The following MYH14 variants were observed in gnomAD, a reference collection of about 807,000 sequenced individuals.
MYH14 encodes the protein myosin-14.
MYH14 carries 123 observed loss-of-function variants against 255.5 expected under a neutral mutation model. The observed-to-expected ratio is 0.48, with a 90% confidence interval of 0.42 to 0.56. MYH14 has a LOEUF of 0.56. Ranked by LOEUF, MYH14 falls within the 20% of genes least tolerant of loss-of-function variation. The pLI is 0.00. For missense variants in MYH14, 2,423 were observed against 2,802.3 expected (o/e 0.86, Z 3.06); for synonymous variants, 1,095 against 1,161.2 (o/e 0.94, Z 1.16).
chr19:50,239,796 G>A (rs978453639), intron 10 of MYH14, among the ~76,000 whole-genome samples: 7 of 151,970 alleles, frequency 4.6e-5, no homozygotes, highest in Non-Finnish European at 7.4e-5. Flanking sequence ...TGATCTGCCC[G>A]CCTCAGCCTC....
intron 24 of MYH14, among the ~76,000 whole-genome samples, chr19:50,269,559 G>A (rs2035218354): frequency 6.6e-6 from 1 of 152,138 alleles, no homozygotes; most frequent in Non-Finnish European, 1.5e-5. Context: ...GGATGGCTGA[G>A]CACACAGCAC....
At chr19:50,263,483 C>T (rs550402022) in intron 22 of MYH14, 63 bp downstream of exon 22, 2 of 1,223,894 alleles carry the variant, frequency 1.6e-6, no homozygotes, top group East Asian at 5.3e-5. Context: ...GCTTGGTCTG[C>T]TTGACAAGTG....
intron 13 of MYH14, 46 bp from the exon 14 acceptor site, chr19:50,249,604 C>G: frequency 7.4e-6 from 12 of 1,612,456 alleles, no homozygotes; most frequent in Non-Finnish European, 1.0e-5. Context: ...CTCTGGGTCT[C>G]TGTCCCTCTC....
chr19:50,266,657 C>A lies in MYH14; in HGVS notation c.2695-220C>A, dbSNP rs1448003011. On this transcript the variant is annotated intron_variant, in intron 22 of 42. Transcript: ENST00000642316. The surrounding 1 kb of genome is among the most constrained non-coding windows in gnomAD (Gnocchi z 4.1). ...CAGTGTCTCTTGGATGTGGAAGGAT[C>A]CTTTAGCCAGAGAGATTAGATAGAT... is the stretch of plus-strand genomic sequence containing the variant. 6.6e-6 allele frequency among the ~76,000 whole-genome samples: 1 copy of A among 152,206 alleles called. No homozygotes were observed. The highest frequency in any genetic ancestry group is 1.5e-5 in the Non-Finnish European group (1 of 68,030).
intron 19 of MYH14, 99 bp from the exon 20 acceptor site, chr19:50,260,547 T>G (rs535444711): frequency 1.3e-6 from 1 of 759,104 alleles, no homozygotes; most frequent in East Asian, 2.7e-5. Context: ...CTGTTGTTCC[T>G]GCTGTGTGTC....
chr19:50,245,088 C>T (rs958559426), intron 11 of MYH14, among the ~76,000 whole-genome samples: 2 of 151,922 alleles, frequency 1.3e-5, no homozygotes, highest in African/African-American at 2.4e-5. Flanking sequence ...TAAAATAATA[C>T]AAGCTGGAAG....
rs1256975396 is a variant in MYH14, at chr19:50,252,363, A to G, written c.1831-276A>G. Among the ~76,000 whole-genome samples, 1 of 152,168 alleles carries G rather than the reference A, an allele frequency of 6.6e-6. No homozygotes were observed. Among genetic ancestry groups the G allele is most frequent in the Admixed American group, 6.5e-5 (1 of 15,272 alleles). On this transcript the variant is annotated intron_variant, in intron 15 of 42. Coordinates refer to ENST00000642316, the MANE Select transcript of MYH14 (RefSeq NM_001145809.2). This position sits in a 1 kb window ranked among gnomAD's most constrained non-coding sequence, Gnocchi z 4.2. ...GAGTAAGCTCGCATGTTTGAGGAACAGTGCGGAGGCCAGGGTGGCTGGAGC... is the reference window on the plus strand; with the variant it reads ...GAGTAAGCTCGCATGTTTGAGGAACGGTGCGGAGGCCAGGGTGGCTGGAGC...
At chr19:50,238,606 C>G (rs537741371) in intron 10 of MYH14, among the ~76,000 whole-genome samples, 58 of 152,202 alleles carry the variant, frequency 3.8e-4, no homozygotes, top group African/African-American at 1.3e-3. Flanking sequence ...CGCTCGCCAC[C>G]ACACCCAGCT....
rs187849663 is a variant in MYH14, at chr19:50,305,322, G to A, written c.5679-1727G>A. 2.3e-3 allele frequency among the ~76,000 whole-genome samples: 350 copies of A among 152,254 alleles called. 3 individuals are homozygous for A. Among genetic ancestry groups the A allele is most frequent in the African/African-American group, 8.2e-3 (340 of 41,532 alleles). Reference sequence around the variant, plus strand: ...GAAGAAGAGAAAGCAGGGGGCAGAAGGAATGAAGCGGAGGCTATGGGTGGT... The same window carrying A: ...GAAGAAGAGAAAGCAGGGGGCAGAAAGAATGAAGCGGAGGCTATGGGTGGT... On this transcript the variant is annotated intron_variant, in intron 40 of 42. Transcript: ENST00000642316.
chr19:50,300,302 G>A lies in MYH14; in HGVS notation c.5470-1359G>A, dbSNP rs75651826. 6.1e-3 allele frequency among the ~76,000 whole-genome samples: 922 copies of A among 152,234 alleles called. 14 individuals are homozygous for A. Among genetic ancestry groups the A allele is most frequent in the African/African-American group, 0.021 (884 of 41,534 alleles). On this transcript the variant is annotated intron_variant, in intron 39 of 42. Coordinates refer to ENST00000642316, the MANE Select transcript of MYH14 (RefSeq NM_001145809.2). ...AGCAGCAGGGTCATGGGGCTGAAAC[G>A]GTTCTCATCTCCAGCTGCTGGAATA...
intron 1 of MYH14, among the ~76,000 whole-genome samples, chr19:50,209,485 C>T (rs2032026564): frequency 6.6e-6 from 1 of 151,576 alleles, no homozygotes; most frequent in South Asian, 2.1e-4. Flanking sequence ...CTAATTTCTA[C>T]AAAAATTGAA....
In MYH14 at chr19:50,257,350, C is replaced by G. The variant is rs2123333694; in HGVS notation, c.2096C>G (p.Pro699Arg). Residue 699 changes from proline to arginine, a missense_variant, in exon 18 of 43, where the codon CCA becomes CGA. By Grantham distance (103) the Pro-to-Arg change is moderately radical. Transcript: ENST00000642316. ...GTGAGCAGCCTGGGCGACGGCCCAC[C>G]AGGTGGCCGCCCCCGTCGGGGTATG... Reference protein sequence around the residue: ...EQVSSLGDGPPGGRPRRGMFR... With the variant: ...EQVSSLGDGPRGGRPRRGMFR... The G allele has an allele frequency of 1.2e-6, 2 of 1,609,380 alleles. No individual in the cohort carries two copies. The highest frequency in any genetic ancestry group is 1.3e-5 in the African/African-American group (1 of 74,996).
intron 39 of MYH14, among the ~76,000 whole-genome samples, chr19:50,297,491 C>CTTTTTTTTTTTTTTTTTTTTTTTTT (rs869049808): frequency 1.3e-5 from 1 of 74,324 alleles, no homozygotes; most frequent in Non-Finnish European, 2.4e-5. Context: ...CTCATCTCCT[C>CTTTTTTTTTTTTTTTTTTTTTTTTT]TTTTTTTTTT....
Position 50,276,974 on chromosome 19 carries a change from A to G in MYH14, c.3825+73A>G. 5 of 1,236,542 alleles carry G rather than the reference A, an allele frequency of 4.0e-6. No individual in the cohort carries two copies. The highest frequency in any genetic ancestry group is 5.7e-6 in the Non-Finnish European group (5 of 880,766). 76.6% of individuals were successfully genotyped at this position (1,236,542 alleles called of 1,614,324 possible). A position where few individuals can be genotyped will look rare whatever the true frequency, so the allele number is the denominator to read the frequency against. ...GGCAGGACGCGGGGTTGGAGGAGGT[A>G]CCGCTGGCTGGTTCTAGGCTAGCTC... On this transcript the variant is annotated intron_variant, in intron 29 of 42. Coordinates refer to ENST00000642316, the MANE Select transcript of MYH14 (RefSeq NM_001145809.2). The surrounding 1 kb of genome is among the most constrained non-coding windows in gnomAD (Gnocchi z 4.3).
At chr19:50,211,317 G>A (rs917992521) in intron 2 of MYH14, among the ~76,000 whole-genome samples, 4 of 152,004 alleles carry the variant, frequency 2.6e-5, no homozygotes, top group African/African-American at 9.7e-5. Context: ...CTGGGTGACA[G>A]CACAAGACCC....
chr19:50,234,848 C>T (rs1194325373), intron 10 of MYH14, among the ~76,000 whole-genome samples: 2 of 152,198 alleles, frequency 1.3e-5, no homozygotes, highest in African/African-American at 4.8e-5. Flanking sequence ...GTAACATAAA[C>T]TGAATGTGGC....
intron 24 of MYH14, among the ~76,000 whole-genome samples, chr19:50,270,954 A>C (rs1423944158): frequency 2.0e-5 from 3 of 152,172 alleles, no homozygotes; most frequent in Admixed American, 1.3e-4. Context: ...TTGGCCTCCC[A>C]AAGTCCTGGG....
At chr19:50,222,368 T>C (rs999846278) in intron 3 of MYH14, among the ~76,000 whole-genome samples, 2 of 149,854 alleles carry the variant, frequency 1.3e-5, no homozygotes, top group Non-Finnish European at 3.0e-5. Flanking sequence ...TAGTCCCAGG[T>C]ACTTGGGAGG....
In MYH14 at chr19:50,276,206, G is replaced by A; in HGVS notation, c.3680+3G>A. On this transcript the variant is annotated splice_donor_region_variant and intron_variant, in intron 28 of 42. Transcript: ENST00000642316. The surrounding 1 kb of genome is among the most constrained non-coding windows in gnomAD (Gnocchi z 4.3). ...ACCAACGCACAGCAGGAGCTCCGGT[G>A]AGGCCCGGTGGCAGGCCGCTGTCAC... The A allele has an allele frequency of 6.5e-7, 1 of 1,534,312 alleles. No homozygotes were observed.
Sources: gnomAD v4.1 joint callset for allele counts (sites outside exome capture counted in the v4.1 genomes callset) on GRCh38, gnomAD v4.1.1 for gene constraint, Gnocchi (gnomAD v3.1) non-coding constraint, MANE v1.5 for transcripts, NCBI Gene and HGNC (gene_info 2026-07-23, HGNC 2026-07-21) for gene names.